The following ROR1 variants were observed in gnomAD, a reference collection of about 807,000 sequenced individuals.
ROR1 encodes inactive tyrosine-protein kinase transmembrane receptor ROR1.
A neutral mutation model predicts 78.8 loss-of-function variants in ROR1; 19 were observed. The ratio of observed to expected loss-of-function variants is 0.24; its 90% CI spans 0.17 to 0.35. ROR1 has a LOEUF of 0.35. Ranked by LOEUF, ROR1 falls within the 10% of genes least tolerant of loss-of-function variation. The pLI is 1.00. For missense variants in ROR1, 917 were observed against 1,177.8 expected (o/e 0.78, Z 3.24); for synonymous variants, 386 against 433.6 (o/e 0.89, Z 1.36).
chr1:63,911,686 G>A (rs1313544122), intron 1 of ROR1, among the ~76,000 whole-genome samples: 1 of 152,010 alleles, frequency 6.6e-6, no homozygotes, highest in Non-Finnish European at 1.5e-5. Context: ...GTTGGTTGTA[G>A]TATTGTGTCA....
At chr1:64,093,609 C>G (rs12755745) in intron 4 of ROR1, among the ~76,000 whole-genome samples, 2 of 151,942 alleles carry the variant, frequency 1.3e-5, no homozygotes, top group African/African-American at 4.8e-5. Flanking sequence ...TCAGCAATAC[C>G]TAAGCACTTC....
intron 8 of ROR1, among the ~76,000 whole-genome samples, chr1:64,168,610 C>T (rs753393911): frequency 2.0e-5 from 3 of 152,090 alleles, no homozygotes; most frequent in Non-Finnish European, 2.9e-5. Context: ...ATGATTGGCT[C>T]TAATTGAAAC....
chr1:63,929,888 T>C (rs1336339319), intron 1 of ROR1, among the ~76,000 whole-genome samples: 1 of 152,166 alleles, frequency 6.6e-6, no homozygotes, highest in Non-Finnish European at 1.5e-5. Context: ...GATCCAGCAA[T>C]CTGGCCCAGA....
chr1:63,805,001 T>G (rs764626808), intron 1 of ROR1, among the ~76,000 whole-genome samples: 3 of 152,222 alleles, frequency 2.0e-5, no homozygotes, highest in Non-Finnish European at 4.4e-5. Context: ...CTCTCAGTAA[T>G]GCATTTAGTC....
intron 4 of ROR1, among the ~76,000 whole-genome samples, chr1:64,102,488 A>C (rs1261334644): frequency 1.3e-5 from 2 of 152,138 alleles, no homozygotes. Context: ...GTGTCCAGAG[A>C]GGGAGGTTAA....
intron 1 of ROR1, among the ~76,000 whole-genome samples, chr1:63,856,845 A>AC (rs1341199605): frequency 6.6e-6 from 1 of 152,178 alleles, no homozygotes; most frequent in Non-Finnish European, 1.5e-5. Context: ...CCCAATGTTT[A>AC]AAAACTGCCA....
intron 1 of ROR1, among the ~76,000 whole-genome samples, chr1:63,869,486 G>T (rs933527961): frequency 3.3e-5 from 5 of 152,154 alleles, no homozygotes; most frequent in African/African-American, 1.2e-4. Context: ...CTGCTAAGAA[G>T]GGGGCTTGTG....
Position 63,993,783 on chromosome 1 carries a change from A to G in ROR1, c.92-15522A>G, listed in dbSNP as rs532943727. ...TTAGGTAGTCTGCTATTGCTGGACA[A>G]GTAGGTTGTTTCCAATCATTTTATA... On this transcript the variant is annotated intron_variant, in intron 1 of 8. Transcript: ENST00000371079. Among the ~76,000 whole-genome samples the G allele has an allele frequency of 3.5e-4, 54 of 152,318 alleles. 1 individual carries two copies. In the South Asian group the frequency reaches 0.011, roughly 30 times the overall value.
At chr1:63,810,184 A>T (rs986374038) in intron 1 of ROR1, among the ~76,000 whole-genome samples, 5 of 152,226 alleles carry the variant, frequency 3.3e-5, no homozygotes, top group African/African-American at 1.2e-4. Context: ...TTGGGAAATT[A>T]TCGGCAAATG....
intron 1 of ROR1, among the ~76,000 whole-genome samples, chr1:63,889,358 A>G (rs1645378747): frequency 6.6e-6 from 1 of 152,208 alleles, no homozygotes; most frequent in Non-Finnish European, 1.5e-5. Flanking sequence ...TACCATAGGC[A>G]TTATTAGCCC....
At chr1:64,157,170 C>T (rs1041761824) in intron 7 of ROR1, among the ~76,000 whole-genome samples, 45 of 152,166 alleles carry the variant, frequency 3.0e-4, no homozygotes, top group African/African-American at 1.1e-3. Flanking sequence ...CAAGGTCTCA[C>T]TCTGTCACCC....
chr1:64,056,063 C>T (rs965680970), intron 4 of ROR1, among the ~76,000 whole-genome samples: 11 of 152,222 alleles, frequency 7.2e-5, no homozygotes, highest in African/African-American at 1.7e-4. Context: ...TACCACATTT[C>T]GTTTATCCAT....
intron 1 of ROR1, among the ~76,000 whole-genome samples, chr1:63,860,337 G>T (rs1385785367): frequency 2.0e-5 from 3 of 152,020 alleles, no homozygotes; most frequent in Non-Finnish European, 2.9e-5. Flanking sequence ...ATCTTAAAAT[G>T]GGGGAAGTTA....
intron 1 of ROR1, among the ~76,000 whole-genome samples, chr1:63,793,517 A>G (rs1186811253): frequency 6.6e-6 from 1 of 152,252 alleles, no homozygotes; most frequent in East Asian, 1.9e-4. Flanking sequence ...TTATGTGTCA[A>G]TAAAAAAAGT....
intron 4 of ROR1, among the ~76,000 whole-genome samples, chr1:64,056,676 CA>C (rs373734444): frequency 0.05 from 6,308 of 127,250 alleles, 415 homozygotes; most frequent in African/African-American, 0.17. Flanking sequence ...ACTCTATCTC[CA>C]AAAAAAAAAA....
At chr1:63,864,650 A>G (rs1379595515) in intron 1 of ROR1, among the ~76,000 whole-genome samples, 1 of 152,160 alleles carries the variant, frequency 6.6e-6, no homozygotes, top group Non-Finnish European at 1.5e-5. Context: ...GAATTAGGAT[A>G]TAGCTCCCCA....
intron 1 of ROR1, among the ~76,000 whole-genome samples, chr1:63,890,192 C>T (rs1645384466): frequency 6.6e-6 from 1 of 151,866 alleles, no homozygotes; most frequent in African/African-American, 2.4e-5. Context: ...ATGTCCATAC[C>T]AAGCAAATAA....
chr1:63,998,921 A>T (rs1164033395), intron 1 of ROR1, among the ~76,000 whole-genome samples: 8 of 152,196 alleles, frequency 5.3e-5, no homozygotes, highest in Non-Finnish European at 1.0e-4. Flanking sequence ...AAGTCTCACA[A>T]GAGCTGATGG....
intron 1 of ROR1, among the ~76,000 whole-genome samples, chr1:63,974,243 G>C (rs1258186939): frequency 6.6e-6 from 1 of 152,152 alleles, no homozygotes; most frequent in African/African-American, 2.4e-5. Context: ...CTTACTAGCT[G>C]TGTGGCCTTG....
Sources: allele counts gnomAD v4.1 joint callset (sites outside exome capture counted in the v4.1 genomes callset), GRCh38; gene constraint gnomAD v4.1.1; transcripts MANE v1.5; gene names NCBI Gene and HGNC (gene_info 2026-07-23, HGNC 2026-07-21).